The following RYR2 variants were observed in gnomAD, a reference collection of about 807,000 sequenced individuals.
RYR2 encodes the protein ryanodine receptor 2.
Under a neutral mutation model 601.1 loss-of-function variants are expected in RYR2, and 227 were observed. The ratio of observed to expected loss-of-function variants is 0.38; its 90% CI spans 0.34 to 0.42. The LOEUF (loss-of-function observed/expected upper bound fraction) is 0.42. Among genes scored for constraint, RYR2 ranks in the 10% least tolerant of loss-of-function variants. The probability of loss-of-function intolerance (pLI) is 1.00; values close to 1 mark genes in which losing one functional copy is unlikely to be tolerated. For synonymous variants in RYR2, 2,223 were observed against 2,175.1 expected (o/e 1.02, Z -0.61); for missense variants, 4,646 against 6,156.5 (o/e 0.75, Z 8.21).
chr1:237,174,856 A>G (rs1355291242), intron 1 of RYR2, among the ~76,000 whole-genome samples: 5 of 152,198 alleles, frequency 3.3e-5, no homozygotes, highest in Non-Finnish European at 7.3e-5. Flanking sequence ...GGGAAAAATG[A>G]TCTATTAAAT....
chr1:237,771,195 C>T (rs900540683), intron 85 of RYR2, among the ~76,000 whole-genome samples: 1 of 151,932 alleles, frequency 6.6e-6, no homozygotes, highest in Non-Finnish European at 1.5e-5. Flanking sequence ...ATTGCTTGAA[C>T]CTAGGAGTCC....
intron 55 of RYR2, among the ~76,000 whole-genome samples, chr1:237,660,592 A>G (rs1364641296): frequency 2.0e-5 from 3 of 152,130 alleles, no homozygotes; most frequent in Admixed American, 6.6e-5. Flanking sequence ...GTGCTATATA[A>G]TGAACAAAGC....
At chr1:237,393,064 A>T (rs1431333498) in intron 10 of RYR2, among the ~76,000 whole-genome samples, 1 of 152,176 alleles carries the variant, frequency 6.6e-6, no homozygotes, top group African/African-American at 2.4e-5. Context: ...AAGGAGAAAA[A>T]TAATGCATGG....
At chr1:237,631,374 AC>A in intron 41 of RYR2, 52 bp from the exon 42 acceptor site, 1 of 1,094,914 alleles carries the variant, frequency 9.1e-7, no homozygotes, top group Non-Finnish European at 1.4e-6. Flanking sequence ...AACTTGGTTA[AC>A]TATTTAGATG....
At chr1:237,510,226 G>A (rs1006366558) in intron 23 of RYR2, among the ~76,000 whole-genome samples, 1 of 152,156 alleles carries the variant, frequency 6.6e-6, no homozygotes, top group African/African-American at 2.4e-5. Flanking sequence ...ATAGAGAGAC[G>A]TGATTACAGG....
intron 16 of RYR2, among the ~76,000 whole-genome samples, chr1:237,460,650 C>T (rs904648281): frequency 1.3e-5 from 2 of 152,142 alleles, no homozygotes; most frequent in African/African-American, 4.8e-5. Context: ...TAGCAGGGTG[C>T]ATTTGGCTAT....
chr1:237,628,655 T>C (rs1462752804), intron 41 of RYR2, among the ~76,000 whole-genome samples: 1 of 152,272 alleles, frequency 6.6e-6, no homozygotes, highest in Admixed American at 6.5e-5. Flanking sequence ...GAAACAAGAC[T>C]AATTTTACAG....
chr1:237,253,066 G>A (rs1687619777), intron 1 of RYR2, among the ~76,000 whole-genome samples: 1 of 151,090 alleles, frequency 6.6e-6, no homozygotes, highest in African/African-American at 2.4e-5. Flanking sequence ...TCGGGAGGCT[G>A]AGGCAGCAGA....
chr1:237,590,374 C>CT (rs1675018703), intron 30 of RYR2, among the ~76,000 whole-genome samples: 1 of 152,124 alleles, frequency 6.6e-6, no homozygotes, highest in Non-Finnish European at 1.5e-5. Context: ...ATGAAAAATA[C>CT]TTTCCTTTTT....
At chr1:237,518,252 G>GT (rs56958755) in intron 24 of RYR2, among the ~76,000 whole-genome samples, 33,763 of 149,564 alleles carry the variant, frequency 0.23, 4,487 homozygotes, top group South Asian at 0.39. Flanking sequence ...CTTTTCTATT[G>GT]TTTTTTTTTG....
At chr1:237,826,768 T>A (rs552519605) in intron 101 of RYR2, among the ~76,000 whole-genome samples, 53 of 152,334 alleles carry the variant, frequency 3.5e-4, no homozygotes, top group African/African-American at 1.2e-3. Context: ...GCACATGTAT[T>A]AACTAATTTT....
intron 12 of RYR2, among the ~76,000 whole-genome samples, chr1:237,423,988 C>T: frequency 6.6e-6 from 1 of 151,952 alleles, no homozygotes; most frequent in Non-Finnish European, 1.5e-5. Context: ...AGAGAGAGAG[C>T]AGGAGAGTGA....
At chr1:237,410,805 G>T (rs1704375578) in intron 10 of RYR2, among the ~76,000 whole-genome samples, 1 of 152,110 alleles carries the variant, frequency 6.6e-6, no homozygotes, top group African/African-American at 2.4e-5. Flanking sequence ...GCTACAGTAA[G>T]GGTGACAAAG....
At chr1:237,185,473 C>G (rs1036497239) in intron 1 of RYR2, among the ~76,000 whole-genome samples, 1 of 152,124 alleles carries the variant, frequency 6.6e-6, no homozygotes, top group Non-Finnish European at 1.5e-5. Context: ...TACTTTGCCT[C>G]TCACATTCTC....
intron 1 of RYR2, among the ~76,000 whole-genome samples, chr1:237,217,744 G>A (rs995795160): frequency 2.1e-4 from 32 of 152,120 alleles, no homozygotes; most frequent in African/African-American, 7.2e-4. Flanking sequence ...CTGCTGACTC[G>A]CTTTACTCTG....
At chr1:237,793,549 T>C (rs1658715873) in intron 94 of RYR2, among the ~76,000 whole-genome samples, 1 of 152,242 alleles carries the variant, frequency 6.6e-6, no homozygotes, top group Non-Finnish European at 1.5e-5. Flanking sequence ...GAGAGATATA[T>C]GTAAACAAAA....
At chr1:237,620,591 A>G (rs192622266) in intron 38 of RYR2, among the ~76,000 whole-genome samples, 71 of 152,246 alleles carry the variant, frequency 4.7e-4, no homozygotes, top group African/African-American at 1.7e-3. Flanking sequence ...ATACAGATTA[A>G]AAGGGAAAAG....
At chr1:237,458,570 T>C (rs758199697) in intron 16 of RYR2, among the ~76,000 whole-genome samples, 2 of 152,170 alleles carry the variant, frequency 1.3e-5, no homozygotes, top group Non-Finnish European at 2.9e-5. Context: ...GTTATAAGTG[T>C]GATTGATTTC....
intron 1 of RYR2, among the ~76,000 whole-genome samples, chr1:237,231,235 G>A (rs1305451897): frequency 6.6e-6 from 1 of 151,898 alleles, no homozygotes; most frequent in Non-Finnish European, 1.5e-5. Context: ...TGAAATGAAT[G>A]CTTTTTAGAA....
Sources: gnomAD v4.1 joint callset for allele counts (sites outside exome capture counted in the v4.1 genomes callset) on GRCh38, gnomAD v4.1.1 for gene constraint, MANE v1.5 for transcripts, NCBI Gene and HGNC (gene_info 2026-07-23, HGNC 2026-07-21) for gene names.